GRID2: variants seen among roughly 807,000 people sequenced by gnomAD.
The protein encoded by GRID2 is glutamate receptor ionotropic, delta-2.
Under a neutral mutation model 114.8 loss-of-function variants are expected in GRID2, and 33 were observed. The ratio of observed to expected loss-of-function variants is 0.29; its 90% CI spans 0.22 to 0.38. GRID2 has a LOEUF of 0.38. GRID2 is among the 10% of genes least tolerant of loss of function. The pLI is 1.00. For synonymous variants in GRID2, 505 were observed against 449.9 expected, an observed-to-expected ratio of 1.12 and a Z score of -1.55; for missense variants, 1,184 against 1,257.7, an observed-to-expected ratio of 0.94 and a Z score of 0.89.
intron 1 of GRID2, among the ~76,000 whole-genome samples, chr4:92,447,371 C>A (rs984535298): frequency 6.6e-6 from 1 of 152,126 alleles, no homozygotes; most frequent in Non-Finnish European, 1.5e-5. Context: ...TATTGGCAGA[C>A]CTTCTAAGGG....
chr4:92,511,240 A>C (rs978745039), intron 1 of GRID2, among the ~76,000 whole-genome samples: 2 of 151,754 alleles, frequency 1.3e-5, no homozygotes, highest in African/African-American at 4.8e-5. Context: ...GAGTGGGAGC[A>C]AGAGAGAAGT....
chr4:92,612,300 C>T (rs1248761990), intron 2 of GRID2, among the ~76,000 whole-genome samples: 1 of 151,396 alleles, frequency 6.6e-6, no homozygotes, highest in African/African-American at 2.4e-5. Flanking sequence ...TCAGAATACT[C>T]GTGTCTTCCA....
At chr4:93,510,001 C>A (rs1729008604) in intron 12 of GRID2, among the ~76,000 whole-genome samples, 1 of 152,098 alleles carries the variant, frequency 6.6e-6, no homozygotes, top group African/African-American at 2.4e-5. Context: ...AAATCAGCAT[C>A]CAAAGGAGAA....
intron 1 of GRID2, among the ~76,000 whole-genome samples, chr4:92,548,651 C>A (rs568877647): frequency 6.6e-6 from 1 of 151,718 alleles, no homozygotes; most frequent in Non-Finnish European, 1.5e-5. Context: ...ACCTCAACTT[C>A]CCAAAGTGCT....
intron 1 of GRID2, among the ~76,000 whole-genome samples, chr4:93,780,566 AAC>A (rs1734458701): frequency 6.6e-6 from 1 of 152,204 alleles, no homozygotes; most frequent in South Asian, 2.1e-4. Context: ...TCAGATATAA[AAC>A]AGTCTTGGAA....
chr4:93,756,692 G>A (rs7662498), intron 14 of GRID2, among the ~76,000 whole-genome samples: 9,521 of 152,132 alleles, frequency 0.063, 319 homozygotes, highest in Admixed American at 0.074. Flanking sequence ...ATTACAATGG[G>A]GCTTAGCGCT....
At chr4:93,113,318 G>A (rs1267215974) in intron 4 of GRID2, among the ~76,000 whole-genome samples, 1 of 152,124 alleles carries the variant, frequency 6.6e-6, no homozygotes, top group Non-Finnish European at 1.5e-5. Context: ...GAAAACTGAG[G>A]TGTACAGGGT....
chr4:93,795,702 C>T lies in GRID2; in HGVS notation c.222-11013C>T, dbSNP rs2110362155. Among the ~76,000 whole-genome samples the T allele has an allele frequency of 2.0e-5, 3 of 152,192 alleles. No individual in the cohort carries two copies. The South Asian group carries it at 6.2e-4, about 32-fold the overall frequency. Reference sequence around the variant, plus strand: ...CCTAACTTCTGTAAATGTTATTAATCCCAAATTACGGGATTAATCCCAACG... The same window carrying T: ...CCTAACTTCTGTAAATGTTATTAATTCCAAATTACGGGATTAATCCCAACG... On this transcript the variant is annotated intron_variant, in intron 1 of 1. Transcript: ENST00000637838.
intron 2 of GRID2, among the ~76,000 whole-genome samples, chr4:92,920,953 G>C (rs1381787546): frequency 6.6e-6 from 1 of 152,058 alleles, no homozygotes; most frequent in Non-Finnish European, 1.5e-5. Flanking sequence ...TTTCCAACTT[G>C]GTTCCATTCT....
At chr4:92,887,540 T>C (rs1746457223) in intron 2 of GRID2, among the ~76,000 whole-genome samples, 1 of 40,756 alleles carries the variant, frequency 2.5e-5, no homozygotes, top group Non-Finnish European at 4.4e-5. Flanking sequence ...GTCTTCTCCC[T>C]AGTTAGAATC....
At chr4:93,043,295 C>A (rs950377161) in intron 2 of GRID2, among the ~76,000 whole-genome samples, 1 of 152,264 alleles carries the variant, frequency 6.6e-6, no homozygotes, top group Admixed American at 6.5e-5. Context: ...GATTGACCTT[C>A]TACCAGGTTT....
At chr4:92,653,327 CTGTGTGTG>C (rs112109018) in intron 2 of GRID2, among the ~76,000 whole-genome samples, 3 of 146,210 alleles carry the variant, frequency 2.1e-5, no homozygotes, top group Non-Finnish European at 3.0e-5. Context: ...ACACATGTGT[CTGTGTGTG>C]TGTGTGTGTG....
chr4:92,337,917 A>C (rs1727270651), intron 1 of GRID2, among the ~76,000 whole-genome samples: 1 of 152,136 alleles, frequency 6.6e-6, no homozygotes, highest in African/African-American at 2.4e-5. Flanking sequence ...AGGCTGTTAC[A>C]TCCATTATTC....
intron 14 of GRID2, among the ~76,000 whole-genome samples, chr4:93,630,671 A>G (rs1035389324): frequency 1.3e-5 from 2 of 152,224 alleles, no homozygotes; most frequent in African/African-American, 4.8e-5. Context: ...GATTCATGAT[A>G]GTGACACATA....
In GRID2 at chr4:93,258,212, A is replaced by G. The variant is rs529099894; in HGVS notation, c.1245+19722A>G. On this transcript the variant is annotated intron_variant, in intron 8 of 15. Transcript: ENST00000282020. ...ATTAAGTTTTCAGCATTAATAAAAG[A>G]GCAGTGAATGTGCCTTAACTAACAA... is the stretch of plus-strand genomic sequence containing the variant. Among the ~76,000 whole-genome samples, 4 of 151,718 alleles carry G rather than the reference A, an allele frequency of 2.6e-5. No homozygotes were observed. In the South Asian group the frequency reaches 6.2e-4, roughly 24 times the overall value.
At chr4:93,561,397 A>C (rs993201189) in intron 13 of GRID2, among the ~76,000 whole-genome samples, 1 of 152,114 alleles carries the variant, frequency 6.6e-6, no homozygotes, top group Non-Finnish European at 1.5e-5. Flanking sequence ...GGGTAGTTTT[A>C]GGTTTACGGC....
intron 1 of GRID2, among the ~76,000 whole-genome samples, chr4:92,565,857 A>T (rs1727310697): frequency 6.6e-6 from 1 of 152,066 alleles, no homozygotes; most frequent in Non-Finnish European, 1.5e-5. Flanking sequence ...GCTGTGTAAC[A>T]AATTACCACA....
chr4:92,548,474 T>G (rs1726397872), intron 1 of GRID2, among the ~76,000 whole-genome samples: 1 of 143,972 alleles, frequency 6.9e-6, no homozygotes, highest in Non-Finnish European at 1.5e-5. Context: ...CGATTTTGGC[T>G]CACTGCAACC....
Position 93,772,564 on chromosome 4 carries a change from T to G in GRID2, c.*66T>G, listed in dbSNP as rs1734197506. ...CCTTTGCAAGGAGCAACTGTAATAT[T>G]GTGGGACTAACATGGATGTAACGTT... On this transcript the variant is annotated 3_prime_UTR_variant, in exon 16 of 16. Coordinates refer to ENST00000282020, the MANE Select transcript of GRID2 (RefSeq NM_001510.4). 1 of 1,122,086 alleles carries G rather than the reference T, an allele frequency of 8.9e-7. No homozygotes were observed. 69.5% of individuals were successfully genotyped at this position (1,122,086 alleles called of 1,614,324 possible).
Sources: gnomAD v4.1 joint callset for allele counts (sites outside exome capture counted in the v4.1 genomes callset) on GRCh38, gnomAD v4.1.1 for gene constraint, MANE v1.5 for transcripts, NCBI Gene and HGNC (gene_info 2026-07-23, HGNC 2026-07-21) for gene names.